SUGCT: variants seen among roughly 807,000 people sequenced by gnomAD.
SUGCT encodes the protein succinyl-CoA:glutarate-CoA transferase.
In SUGCT, 41 loss-of-function variants were observed where a neutral mutation model predicts 55.0. The observed-to-expected ratio is 0.74, with a 90% CI of 0.58 to 0.97. SUGCT has a LOEUF of 0.97. Ranked by LOEUF, SUGCT falls within the 50% of genes least tolerant of loss-of-function variation. The pLI, the probability that SUGCT is intolerant of heterozygous loss-of-function variation, is 0.00. For missense variants in SUGCT, 568 were observed against 547.8 expected, an observed-to-expected ratio of 1.04 and a Z score of -0.37; for synonymous variants, 187 against 200.4, an observed-to-expected ratio of 0.93 and a Z score of 0.56.
At chr7:40,915,759 A>G in the SUGCT span, among the ~76,000 whole-genome samples, 2 of 152,244 alleles carry the variant, frequency 1.3e-5, no homozygotes, top group Non-Finnish European at 2.9e-5. Context: ...TAATTCAGCA[A>G]ATACTACTGT....
intron 9 of SUGCT, among the ~76,000 whole-genome samples, chr7:40,435,457 G>C (rs2151394326): frequency 6.6e-6 from 1 of 152,190 alleles, no homozygotes; most frequent in South Asian, 2.1e-4. Flanking sequence ...GGCTTATAAT[G>C]TCTCATATTT....
At chr7:40,396,230 C>A (rs1049324373) in intron 9 of SUGCT, among the ~76,000 whole-genome samples, 5 of 152,162 alleles carry the variant, frequency 3.3e-5, no homozygotes, top group Non-Finnish European at 5.9e-5. Context: ...TGCCTTAATA[C>A]AACTCTGACA....
intron 9 of SUGCT, among the ~76,000 whole-genome samples, chr7:40,395,489 CAAAAAAAAAAAAA>C (rs36068766): frequency 6.5e-5 from 3 of 46,132 alleles, no homozygotes; most frequent in South Asian, 9.1e-4. Context: ...AACTCTGTCT[CAAAAAAAAAAAAA>C]AAAAAAAAAA....
the SUGCT span, among the ~76,000 whole-genome samples, chr7:41,002,364 A>T: frequency 6.6e-6 from 1 of 152,304 alleles, no homozygotes; most frequent in East Asian, 1.9e-4. Flanking sequence ...GAGGACAGAG[A>T]ACAAGCAGGT....
At chr7:40,962,857 C>T in the SUGCT span, among the ~76,000 whole-genome samples, 11 of 152,082 alleles carry the variant, frequency 7.2e-5, no homozygotes, top group Admixed American at 7.2e-4. Flanking sequence ...CTTTTCTACC[C>T]TAATCTGCCC....
At chr7:40,844,072 G>C (rs1454754445) in intron 13 of SUGCT, among the ~76,000 whole-genome samples, 1 of 152,116 alleles carries the variant, frequency 6.6e-6, no homozygotes, top group Non-Finnish European at 1.5e-5. Context: ...CTCCTCTCTG[G>C]TGGGAGCAGG....
intron 13 of SUGCT, among the ~76,000 whole-genome samples, chr7:40,857,456 C>A (rs540733205): frequency 2.0e-5 from 3 of 152,258 alleles, no homozygotes; most frequent in Admixed American, 6.5e-5. Flanking sequence ...CCAGGTAATA[C>A]CATTTTACCA....
At chr7:40,241,710 A>G (rs1789404365) in intron 7 of SUGCT, among the ~76,000 whole-genome samples, 5 of 151,932 alleles carry the variant, frequency 3.3e-5, no homozygotes, top group Admixed American at 3.3e-4. Context: ...TCATGAGGTC[A>G]AGAGATCGAG....
At chr7:40,349,650 A>T (rs751629123) in intron 9 of SUGCT, among the ~76,000 whole-genome samples, 65 of 147,820 alleles carry the variant, frequency 4.4e-4, no homozygotes, top group Non-Finnish European at 9.2e-4. Flanking sequence ...GTATACCATC[A>T]CTCATTCCTC....
the SUGCT span, among the ~76,000 whole-genome samples, chr7:40,881,787 T>C: frequency 6.6e-6 from 1 of 152,178 alleles, no homozygotes; most frequent in Admixed American, 6.5e-5. Flanking sequence ...ATAGAAGAAC[T>C]GTGTTTATTC....
chr7:40,587,918 T>G (rs6975071), intron 12 of SUGCT, among the ~76,000 whole-genome samples: 22,648 of 147,410 alleles, frequency 0.15, 505 homozygotes, highest in African/African-American at 0.2. Context: ...TTTTTTTTTT[T>G]TCCAGACAGA....
At chr7:40,958,715 G>T in the SUGCT span, among the ~76,000 whole-genome samples, 7 of 152,088 alleles carry the variant, frequency 4.6e-5, no homozygotes, top group Non-Finnish European at 8.8e-5. Flanking sequence ...CTGGCAAGGA[G>T]TTGTGATCCT....
intron 12 of SUGCT, among the ~76,000 whole-genome samples, chr7:40,585,537 C>T (rs903531112): frequency 2.6e-5 from 4 of 152,164 alleles, no homozygotes; most frequent in Admixed American, 2.0e-4. Flanking sequence ...GCCTCCCTGA[C>T]AATTACTTTA....
chr7:40,801,425 A>C (rs934028044), intron 13 of SUGCT, among the ~76,000 whole-genome samples: 1 of 152,320 alleles, frequency 6.6e-6, no homozygotes, highest in Admixed American at 6.5e-5. Context: ...CAAAAAGGAT[A>C]GAGAGAAAAT....
chr7:40,170,930 AC>A (rs1425326332), intron 1 of SUGCT, among the ~76,000 whole-genome samples: 1 of 152,014 alleles, frequency 6.6e-6, no homozygotes, highest in Non-Finnish European at 1.5e-5. Flanking sequence ...TTACCAGCAT[AC>A]CCGACATTGC....
At chr7:40,204,688 G>T (rs1427479877) in intron 6 of SUGCT, among the ~76,000 whole-genome samples, 2 of 151,866 alleles carry the variant, frequency 1.3e-5, no homozygotes, top group East Asian at 3.9e-4. Context: ...ACTTTGGGAG[G>T]CCAAGACAAG....
chr7:40,677,816 T>G (rs1306654376), intron 12 of SUGCT, among the ~76,000 whole-genome samples: 1 of 152,226 alleles, frequency 6.6e-6, no homozygotes, highest in Non-Finnish European at 1.5e-5. Flanking sequence ...TTAAACAAAA[T>G]AAGTGTTTCT....
chr7:40,424,049 A>G (rs946545889), intron 9 of SUGCT, among the ~76,000 whole-genome samples: 1 of 152,170 alleles, frequency 6.6e-6, no homozygotes, highest in Non-Finnish European at 1.5e-5. Flanking sequence ...TGGTCAATCT[A>G]TCATACTTTC....
intron 1 of SUGCT, among the ~76,000 whole-genome samples, chr7:40,139,337 C>T (rs1251492365): frequency 1.3e-5 from 2 of 152,144 alleles, no homozygotes. Flanking sequence ...GCTGGGACTA[C>T]AGGTGTGTGC....
Sources: gnomAD v4.1 joint callset for allele counts (sites outside exome capture counted in the v4.1 genomes callset) on GRCh38, gnomAD v4.1.1 for gene constraint, MANE v1.5 for transcripts, NCBI Gene and HGNC (gene_info 2026-07-23, HGNC 2026-07-21) for gene names.